The following IPO11 variants were observed in gnomAD, a reference collection of about 807,000 sequenced individuals.
The protein encoded by IPO11 is importin 11.
A neutral mutation model predicts 143.2 loss-of-function variants in IPO11; 66 were observed. The observed-to-expected ratio is 0.46, with a 90% CI of 0.38 to 0.57. IPO11 has a LOEUF of 0.57. Among genes scored for constraint, IPO11 ranks in the 20% least tolerant of loss-of-function variants. IPO11 has a pLI of 0.00. For missense variants in IPO11, 1,026 were observed against 1,141.0 expected (o/e 0.90, Z 1.45); for synonymous variants, 385 against 377.8 (o/e 1.02, Z -0.22).
chr5:62,611,553 C>T (rs1334203796), intron 29 of IPO11, among the ~76,000 whole-genome samples: 2 of 152,102 alleles, frequency 1.3e-5, no homozygotes, highest in East Asian at 1.9e-4. Context: ...TGCCTGCTGA[C>T]GTCAGTATTG....
intron 5 of IPO11, among the ~76,000 whole-genome samples, chr5:62,456,091 C>T (rs187556244): frequency 1.3e-4 from 19 of 151,728 alleles, no homozygotes; most frequent in African/African-American, 4.8e-5. Flanking sequence ...TGCAGGTGCA[C>T]GACCTTGGCT....
intron 6 of IPO11, among the ~76,000 whole-genome samples, chr5:62,467,887 C>T (rs539505191): frequency 1.3e-5 from 2 of 152,226 alleles, no homozygotes; most frequent in Non-Finnish European, 2.9e-5. Context: ...TCTTACTTTT[C>T]TAGTCCCTCT....
At chr5:62,518,305 G>GGGC (rs1323970983) in intron 20 of IPO11, among the ~76,000 whole-genome samples, 4 of 152,102 alleles carry the variant, frequency 2.6e-5, no homozygotes, top group African/African-American at 9.7e-5. Flanking sequence ...TTAGCCAGGT[G>GGGC]AGGTGGCACA....
At chr5:62,553,323 A>AGTGTGTGTGTGTGTGT (rs3077458) in intron 26 of IPO11, among the ~76,000 whole-genome samples, 2 of 119,180 alleles carry the variant, frequency 1.7e-5, no homozygotes, top group African/African-American at 6.3e-5. Flanking sequence ...TATTCGTGTG[A>AGTGTGTGTGTGTGTGT]GTGTGTGTGT....
chr5:62,492,111 C>G (rs1473322803), intron 15 of IPO11, among the ~76,000 whole-genome samples: 1 of 152,102 alleles, frequency 6.6e-6, no homozygotes, highest in Non-Finnish European at 1.5e-5. Flanking sequence ...CTTAGTAGGT[C>G]TGGGAAAAAT....
chr5:62,549,564 C>G (rs1561358784), intron 24 of IPO11, among the ~76,000 whole-genome samples: 1 of 152,174 alleles, frequency 6.6e-6, no homozygotes, highest in Non-Finnish European at 1.5e-5. Flanking sequence ...GAGGCTGTTC[C>G]TTGCCCATAA....
chr5:62,555,821 T>A (rs1354643025), intron 26 of IPO11, among the ~76,000 whole-genome samples: 5 of 152,116 alleles, frequency 3.3e-5, no homozygotes, highest in South Asian at 2.1e-4. Context: ...GGCTAATTTT[T>A]AAAAATTTTT....
intron 27 of IPO11, among the ~76,000 whole-genome samples, chr5:62,578,172 C>A (rs1193776330): frequency 6.6e-6 from 1 of 151,992 alleles, no homozygotes; most frequent in Non-Finnish European, 1.5e-5. Context: ...TCTTATAACC[C>A]AACACAACCA....
chr5:62,496,543 C>G (rs1055912931), intron 16 of IPO11, among the ~76,000 whole-genome samples: 2 of 152,000 alleles, frequency 1.3e-5, no homozygotes, highest in Admixed American at 6.6e-5. Flanking sequence ...TAAACCTTGG[C>G]CTTTTTAAAA....
intron 2 of IPO11, among the ~76,000 whole-genome samples, chr5:62,442,397 A>G (rs750479596): frequency 2.0e-5 from 3 of 152,194 alleles, no homozygotes; most frequent in Non-Finnish European, 4.4e-5. Context: ...ATTTTCAAAC[A>G]CACCTTAAAG....
intron 29 of IPO11, among the ~76,000 whole-genome samples, chr5:62,607,162 C>G (rs1032949329): frequency 2.6e-5 from 4 of 152,116 alleles, no homozygotes; most frequent in African/African-American, 9.7e-5. Context: ...CCCTGCTTTC[C>G]CCTCCTTTAC....
intron 3 of IPO11, among the ~76,000 whole-genome samples, chr5:62,447,123 G>T (rs1398573515): frequency 2.7e-5 from 4 of 150,620 alleles, no homozygotes; most frequent in Admixed American, 2.0e-4. Flanking sequence ...TTTTTTTTAA[G>T]AAGACAGGGT....
chr5:62,456,960 A>G (rs1212567216), intron 5 of IPO11, among the ~76,000 whole-genome samples: 2 of 151,972 alleles, frequency 1.3e-5, no homozygotes, highest in African/African-American at 4.8e-5. Flanking sequence ...GGTGCCTGTA[A>G]TCCCACCTAC....
chr5:62,420,243 A>G (rs1308758150), intron 1 of IPO11, among the ~76,000 whole-genome samples: 1 of 150,506 alleles, frequency 6.6e-6, no homozygotes, highest in Admixed American at 6.7e-5. Context: ...GTGAGCCAAG[A>G]TCGTACCACT....
At chr5:62,554,680 T>C (rs1414877855) in intron 26 of IPO11, among the ~76,000 whole-genome samples, 1 of 148,954 alleles carries the variant, frequency 6.7e-6, no homozygotes, top group Non-Finnish European at 1.5e-5. Context: ...ATTTGTAGTA[T>C]ATATACTGTA....
chr5:62,546,209 C>T (rs1406316041), intron 24 of IPO11, among the ~76,000 whole-genome samples: 1 of 152,258 alleles, frequency 6.6e-6, no homozygotes, highest in South Asian at 2.1e-4. Context: ...AAATGTCCAT[C>T]TATGATAGAC....
chr5:62,444,466 T>A (rs1744638532), intron 3 of IPO11, among the ~76,000 whole-genome samples: 1 of 152,194 alleles, frequency 6.6e-6, no homozygotes, highest in Non-Finnish European at 1.5e-5. Context: ...AAAATGTGCA[T>A]TATTTGTTTA....
At chr5:62,451,638 T>C in intron 4 of IPO11, 92 bp from the exon 5 acceptor site, 1 of 933,242 alleles carries the variant, frequency 1.1e-6, no homozygotes, top group Non-Finnish European at 1.7e-6. Flanking sequence ...TATTCATTTT[T>C]GTCAAGTGTA....
At chr5:62,466,553 T>C (rs896120811) in intron 5 of IPO11, among the ~76,000 whole-genome samples, 1 of 152,270 alleles carries the variant, frequency 6.6e-6, no homozygotes, top group Middle Eastern at 3.4e-3. Flanking sequence ...CACTGGAAGA[T>C]GTTCTGCCTC....
Sources: allele counts gnomAD v4.1 joint callset (sites outside exome capture counted in the v4.1 genomes callset), GRCh38; gene constraint gnomAD v4.1.1; transcripts MANE v1.5; gene names NCBI Gene and HGNC (gene_info 2026-07-23, HGNC 2026-07-21).